The following EPC1 variants were observed in gnomAD, a reference collection of about 807,000 sequenced individuals.
The protein encoded by EPC1 is enhancer of polycomb homolog 1.
In EPC1, 12 loss-of-function variants were observed where a neutral mutation model predicts 98.4. The ratio of observed to expected loss-of-function variants is 0.12; its 90% CI spans 0.08 to 0.20. The LOEUF (loss-of-function observed/expected upper bound fraction) is 0.20, where lower values mean the gene tolerates loss of function less well. Ranked by LOEUF, EPC1 falls within the 10% of genes least tolerant of loss-of-function variation. The pLI, the probability that EPC1 is intolerant of heterozygous loss-of-function variation, is 1.00. For synonymous variants in EPC1, 357 were observed against 363.9 expected (o/e 0.98, Z 0.21); for missense variants, 729 against 990.5 (o/e 0.74, Z 3.54).
At chr10:32,346,596 C>T (rs938771664) in intron 1 of EPC1, 167 bp downstream of exon 1, 8 of 685,830 alleles carry the variant, frequency 1.2e-5, no homozygotes, top group Non-Finnish European at 1.9e-5. Context: ...CCGCGGCGGC[C>T]GGGGGTCGAG....
At chr10:32,275,391 T>C (rs545000486) in intron 10 of EPC1, among the ~76,000 whole-genome samples, 1 of 152,204 alleles carries the variant, frequency 6.6e-6, no homozygotes, top group South Asian at 2.1e-4. Context: ...CCCAACACTT[T>C]GGGAGGCCGA....
rs748927703 is a variant in EPC1, at chr10:32,271,768, C to T, written c.2155G>A (p.Ala719Thr). Residue 719 changes from alanine to threonine, a missense_variant, in exon 13 of 14, where the codon GCC becomes ACC. Ala to Thr is a moderately conservative substitution (Grantham distance 58). Coordinates refer to ENST00000319778, the MANE Select transcript of EPC1 (RefSeq NM_001272004.3). The part of the protein sequence containing the change: ...HSALSHQVTA[A>T]NSATTQVLIG... ...AGAACCTGAGTTGTTGCAGAATTGG[C>T]AGCAGTTACTTGATGACTCAGTGCA... 4 of 1,614,136 alleles carry T rather than the reference C, an allele frequency of 2.5e-6. No homozygotes were observed. In the South Asian group the frequency reaches 4.4e-5, roughly 18 times the overall value.
At chr10:32,272,226 A>C (rs1401935490) in intron 11 of EPC1, 59 bp from the exon 12 acceptor site, 1 of 1,408,948 alleles carries the variant, frequency 7.1e-7, no homozygotes, top group African/African-American at 1.4e-5. Flanking sequence ...ATCAATATCA[A>C]AACTACACAT....
intron 1 of EPC1, among the ~76,000 whole-genome samples, chr10:32,325,164 A>G (rs897656451): frequency 2.6e-5 from 4 of 152,206 alleles, no homozygotes; most frequent in African/African-American, 7.2e-5. Flanking sequence ...TACTATATTG[A>G]GTATAGTCAG....
rs55976619 is a variant in EPC1, at chr10:32,334,456, TAAA to T, written c.153+12304_153+12306del. On this transcript the variant is annotated intron_variant, in intron 1 of 13. Transcript: ENST00000319778. The stretch of plus-strand genomic sequence containing the variant: ...GGATAAGACTTTTGAATATAACAGC[TAAA>T]AAAAAAAAAAAAAATCACACTTTAT... Among the ~76,000 whole-genome samples, 666 of 146,182 alleles carry T rather than the reference TAAA, an allele frequency of 4.6e-3. 1 individual carries two copies. Among genetic ancestry groups the T allele is most frequent in the East Asian group, 0.016 (78 of 5,018 alleles).
At chr10:32,376,308 G>T (rs568127605) in intron 1 of EPC1, among the ~76,000 whole-genome samples, 40 of 152,068 alleles carry the variant, frequency 2.6e-4, no homozygotes, top group African/African-American at 9.2e-4. Flanking sequence ...TTAGTTTTCA[G>T]AGATTAAATA....
chr10:32,350,327 G>A (rs552207321), upstream of EPC1, among the ~76,000 whole-genome samples: 3 of 152,212 alleles, frequency 2.0e-5, no homozygotes, highest in Non-Finnish European at 4.4e-5. Context: ...TGGCAAGGCA[G>A]TATAATGAAA....
At chr10:32,334,505 CAT>C (rs1364078847) in intron 1 of EPC1, among the ~76,000 whole-genome samples, 3 of 151,474 alleles carry the variant, frequency 2.0e-5, no homozygotes, top group Non-Finnish European at 2.9e-5. Context: ...GCTATTGACT[CAT>C]ATACCACAAA....
At position 32,372,681 on chromosome 10, in the gene EPC1, A is replaced by G. The variant is rs539514685; in HGVS notation, c.3+5810T>C. Among the ~76,000 whole-genome samples, 8 of 152,380 alleles carry G rather than the reference A, an allele frequency of 5.3e-5. No homozygotes were observed. In the South Asian group the frequency reaches 6.2e-4, roughly 12 times the overall value. ...GAAAACACTGTTAGATTTACAAAGT[A>G]ATAAATTAACCAGAAGATTCAACAG... On this transcript the variant is annotated intron_variant, in intron 1 of 13. Coordinates refer to the EPC1 transcript ENST00000375110.
intron 1 of EPC1, among the ~76,000 whole-genome samples, chr10:32,333,057 T>G (rs966276449): frequency 6.6e-6 from 1 of 152,054 alleles, no homozygotes; most frequent in African/African-American, 2.4e-5. Flanking sequence ...AACCAGAAAT[T>G]TTGGCTGGGC....
chr10:32,314,238 CTT>C, intron 1 of EPC1, among the ~76,000 whole-genome samples: 1 of 152,148 alleles, frequency 6.6e-6, no homozygotes, highest in Non-Finnish European at 1.5e-5. Context: ...TTAAAAGCCT[CTT>C]GGGCTGAAAG....
rs759982119 is a variant in EPC1, at chr10:32,286,957, A to G, written c.1211T>C (p.Phe404Ser). ...GTACTGACAGCCTGCTTTCCTACGG[A>G]AAGCAAAAGGACCATCAGGATCATT... is the stretch of plus-strand genomic sequence containing the variant. Reference protein sequence around the residue: ...EDNDPDGPFAFRRKAGCQYYA... With the variant: ...EDNDPDGPFASRRKAGCQYYA... The change falls in exon 8 of 14, where the codon TTC becomes TCC. Residue 404 changes from phenylalanine to serine, a missense_variant. Phe to Ser is a radical substitution (Grantham distance 155). Around this residue, in one of 6 missense-constraint regions of EPC1, gnomAD observed 390 missense variants for 438.6 expected, o/e 0.89. Transcript: ENST00000319778. 5.6e-6 allele frequency: 9 copies of G among 1,613,834 alleles called. No homozygotes were observed. The highest frequency in any genetic ancestry group is 1.3e-5 in the African/African-American group (1 of 75,016).
At chr10:32,277,664 G>A (rs1323120898) in intron 10 of EPC1, among the ~76,000 whole-genome samples, 1 of 152,028 alleles carries the variant, frequency 6.6e-6, no homozygotes, top group African/African-American at 2.4e-5. Context: ...GGGCTCAACT[G>A]ATCCTCCCAC....
At chr10:32,271,474 A>T in intron 13 of EPC1, 80 bp downstream of exon 13, 1 of 1,433,746 alleles carries the variant, frequency 7.0e-7, no homozygotes, top group Non-Finnish European at 9.5e-7. Flanking sequence ...AGAAACACAA[A>T]GAAATAGGTA....
At position 32,273,339 on chromosome 10, in the gene EPC1, C is replaced by T. The variant is rs1238701609; in HGVS notation, c.1745-58G>A. The T allele has an allele frequency of 1.9e-5, 29 of 1,567,176 alleles. No individual in the cohort carries two copies. In the East Asian group the frequency reaches 4.9e-4, roughly 26 times the overall value. Reference sequence around the variant, plus strand: ...ATGCCCAGCTGTCATGTATGTCTTACAGTACTAAAACAAAAATTCTGCATT... The same window carrying T: ...ATGCCCAGCTGTCATGTATGTCTTATAGTACTAAAACAAAAATTCTGCATT... On this transcript the variant is annotated intron_variant, in intron 10 of 13. Transcript: ENST00000319778.
chr10:32,359,558 A>G (rs1022458726), intron 1 of EPC1, among the ~76,000 whole-genome samples: 1 of 152,274 alleles, frequency 6.6e-6, no homozygotes, highest in Non-Finnish European at 1.5e-5. Flanking sequence ...GCAAGCATTC[A>G]GTGAAAACAG....
chr10:32,378,359 G>T, intron 1 of EPC1: 1 of 570,702 alleles, frequency 1.8e-6, no homozygotes. Context: ...GGCAAGATTA[G>T]GTAGAACGTG....
intron 1 of EPC1, among the ~76,000 whole-genome samples, chr10:32,353,284 A>AAG (rs754247144): frequency 1.3e-5 from 2 of 152,160 alleles, no homozygotes; most frequent in Admixed American, 1.3e-4. Flanking sequence ...ATGAAGGGCA[A>AAG]AGAGAGAGAG....
intron 1 of EPC1, among the ~76,000 whole-genome samples, chr10:32,320,619 C>T (rs563870859): frequency 3.7e-4 from 57 of 152,008 alleles, no homozygotes; most frequent in African/African-American, 1.3e-3. Flanking sequence ...TTTTTTGAGA[C>T]AGTCTTGCTC....
Sources: allele counts gnomAD v4.1 joint callset (sites outside exome capture counted in the v4.1 genomes callset), GRCh38; gene constraint gnomAD v4.1.1; regional missense constraint gnomAD v4.1.1; transcripts MANE v1.5; gene names NCBI Gene and HGNC (gene_info 2026-07-23, HGNC 2026-07-21).